The following IL18R1 variants were observed in gnomAD, a reference collection of about 807,000 sequenced individuals.
The protein encoded by IL18R1 is interleukin 18 receptor 1.
In IL18R1, 40 loss-of-function variants were observed where a neutral mutation model predicts 48.5. The observed-to-expected ratio is 0.82, with a 90% CI of 0.64 to 1.07. The LOEUF is 1.07. IL18R1 is among the 50% of genes least tolerant of loss of function. The pLI is 0.00. For synonymous variants in IL18R1, 232 were observed against 225.9 expected (o/e 1.03, Z -0.24); for missense variants, 596 against 633.7 (o/e 0.94, Z 0.64).
intron 3 of IL18R1, among the ~76,000 whole-genome samples, chr2:102,369,850 T>A (rs1679148245): frequency 6.6e-6 from 1 of 152,110 alleles, no homozygotes; most frequent in South Asian, 2.1e-4. Context: ...GCAGTGAAAA[T>A]CACTTTATCC....
At position 102,359,021 on chromosome 2, in the gene IL18R1, A is replaced by ATG. The variant is rs140578887; in HGVS notation, c.-29+2634_-29+2635dup. Among the ~76,000 whole-genome samples, 370 of 151,048 alleles carry ATG rather than the reference A, an allele frequency of 2.4e-3. 2 individuals carry two copies. Among genetic ancestry groups the ATG allele is most frequent in the Middle Eastern group, 0.017 (5 of 292 alleles). On this transcript the variant is annotated intron_variant, in intron 1 of 10. Coordinates refer to ENST00000233957, the MANE Select transcript of IL18R1 (RefSeq NM_003855.5). ...TAGAGGAACATTGGTGTGTGTGAGCATGTGTGTGTGTGTGCGTGTGTGTGC... is the reference window on the plus strand; with the variant it reads ...TAGAGGAACATTGGTGTGTGTGAGCATGTGTGTGTGTGTGTGCGTGTGTGTGC...
intron 8 of IL18R1, among the ~76,000 whole-genome samples, chr2:102,389,418 T>C (rs1680433946): frequency 6.6e-6 from 1 of 152,238 alleles, no homozygotes; most frequent in Non-Finnish European, 1.5e-5. Context: ...GGAATCAATC[T>C]AGAAAATGTA....
intron 2 of IL18R1, 42 bp from the exon 3 acceptor site, chr2:102,367,783 G>T (rs1007602299): frequency 7.1e-6 from 11 of 1,558,374 alleles, no homozygotes; most frequent in African/African-American, 1.4e-5. Context: ...TTGTCATTTT[G>T]GTTTTTGTTT....
chr2:102,381,736 C>A (rs376803593), intron 6 of IL18R1, 54 bp downstream of exon 6: 54 of 1,143,480 alleles, frequency 4.7e-5, no homozygotes, highest in African/African-American at 2.0e-4. Context: ...CATAATAGAG[C>A]CTTCCAAGCG....
chr2:102,387,312 C>T (rs1680292661), intron 8 of IL18R1, among the ~76,000 whole-genome samples: 1 of 152,218 alleles, frequency 6.6e-6, no homozygotes, highest in East Asian at 1.9e-4. Context: ...CCCCTGCACC[C>T]AGCACTGCAC....
chr2:102,381,808 C>T (rs932886940), intron 6 of IL18R1, 126 bp downstream of exon 6: 6 of 698,216 alleles, frequency 8.6e-6, no homozygotes, highest in African/African-American at 1.8e-5. Flanking sequence ...AATAACATTA[C>T]AAAACTAAGA....
chr2:102,381,019 G>A (rs999427262), intron 5 of IL18R1, among the ~76,000 whole-genome samples: 1 of 152,216 alleles, frequency 6.6e-6, no homozygotes, highest in Non-Finnish European at 1.5e-5. Flanking sequence ...GATGGGGACT[G>A]AGGGGGCAGA....
chr2:102,368,357 C>T (rs887673343), intron 3 of IL18R1, among the ~76,000 whole-genome samples: 2 of 152,246 alleles, frequency 1.3e-5, no homozygotes, highest in Admixed American at 1.3e-4. Flanking sequence ...TAAAATTCAG[C>T]TGCTCCTGTT....
chr2:102,367,703 A>G, intron 2 of IL18R1, 122 bp from the exon 3 acceptor site: 2 of 795,804 alleles, frequency 2.5e-6, no homozygotes, highest in Non-Finnish European at 1.9e-6. Flanking sequence ...ATTGACACCG[A>G]GATTTCTCAG....
Position 102,362,776 on chromosome 2 carries a change from A to G in IL18R1, c.58+58A>G, listed in dbSNP as rs1260145370. ...CATGAGTAATTGAGGAAGAATGTCA[A>G]AGTTTTTTTTTTTATGTGGTGGCTA... On this transcript the variant is annotated intron_variant, in intron 2 of 10. Transcript: ENST00000233957. The G allele has an allele frequency of 4.2e-6, 5 of 1,180,612 alleles. No individual in the cohort carries two copies. In the East Asian group the frequency reaches 1.2e-4, roughly 29 times the overall value. 73.1% of individuals were successfully genotyped at this position (1,180,612 alleles called of 1,614,324 possible).
intron 6 of IL18R1, among the ~76,000 whole-genome samples, chr2:102,382,464 T>C (rs1559628745): frequency 6.6e-6 from 1 of 152,148 alleles, no homozygotes. Flanking sequence ...TTGAGTAATT[T>C]CTTTCAAAAG....
chr2:102,394,993 G>A (rs1422447428), intron 10 of IL18R1, among the ~76,000 whole-genome samples: 2 of 152,138 alleles, frequency 1.3e-5, no homozygotes, highest in Non-Finnish European at 2.9e-5. Flanking sequence ...CATGTGATGT[G>A]TGGACTAGTT....
intron 2 of IL18R1, among the ~76,000 whole-genome samples, chr2:102,367,131 G>T (rs758223336): frequency 2.6e-4 from 40 of 152,308 alleles, no homozygotes; most frequent in Middle Eastern, 3.4e-3. Flanking sequence ...CCTATCCTGG[G>T]TAGATGATGG....
At chr2:102,358,409 T>C (rs1382335891) in intron 1 of IL18R1, among the ~76,000 whole-genome samples, 2 of 152,130 alleles carry the variant, frequency 1.3e-5, no homozygotes, top group Admixed American at 6.5e-5. Context: ...ACCCAATTTT[T>C]GAAGGAAACT....
chr2:102,389,105 A>G (rs1164032152), intron 8 of IL18R1, among the ~76,000 whole-genome samples: 1 of 152,182 alleles, frequency 6.6e-6, no homozygotes, highest in Non-Finnish European at 1.5e-5. Flanking sequence ...ACACTTATAC[A>G]TATAAAATGT....
At chr2:102,377,208 A>T (rs750014993) in intron 5 of IL18R1, among the ~76,000 whole-genome samples, 1 of 152,250 alleles carries the variant, frequency 6.6e-6, no homozygotes. Flanking sequence ...ATGTTGCCAC[A>T]GTAACAAATT....
chr2:102,373,019 C>T (rs1679361644), intron 4 of IL18R1, among the ~76,000 whole-genome samples: 1 of 152,090 alleles, frequency 6.6e-6, no homozygotes, highest in African/African-American at 2.4e-5. Context: ...AAAAGAATCC[C>T]AATTTTTTGT....
chr2:102,384,803 T>C (rs1680128203), intron 6 of IL18R1, 75 bp from the exon 7 acceptor site: 1 of 1,547,272 alleles, frequency 6.5e-7, no homozygotes, highest in African/African-American at 1.4e-5. Flanking sequence ...TTAACATACA[T>C]TGATTATATT....
chr2:102,364,659 G>A (rs1400468819), intron 2 of IL18R1, among the ~76,000 whole-genome samples: 1 of 152,154 alleles, frequency 6.6e-6, no homozygotes, highest in Non-Finnish European at 1.5e-5. Context: ...CGACATCCAT[G>A]TTTTCAAAGA....
Sources: gnomAD v4.1 joint callset for allele counts (sites outside exome capture counted in the v4.1 genomes callset) on GRCh38, gnomAD v4.1.1 for gene constraint, MANE v1.5 for transcripts, NCBI Gene and HGNC (gene_info 2026-07-23, HGNC 2026-07-21) for gene names.